The following COQ8A variants were observed in gnomAD, a reference collection of about 807,000 sequenced individuals.
COQ8A encodes atypical kinase COQ8A, mitochondrial.
COQ8A carries 51 observed loss-of-function variants against 65.0 expected under a neutral mutation model. The observed-to-expected ratio is 0.78, with a 90% confidence interval of 0.63 to 0.99. COQ8A has a LOEUF of 0.99. Among genes scored for constraint, COQ8A ranks in the 50% least tolerant of loss-of-function variants. The probability of loss-of-function intolerance (pLI) is 0.00; values close to 1 mark genes in which losing one functional copy is unlikely to be tolerated. For synonymous variants in COQ8A, 371 were observed against 353.2 expected, an observed-to-expected ratio of 1.05 and a Z score of -0.57; for missense variants, 940 against 875.0, an observed-to-expected ratio of 1.07 and a Z score of -0.94.
intron 1 of COQ8A, among the ~76,000 whole-genome samples, chr1:226,957,492 G>A (rs190888689): frequency 1.3e-5 from 2 of 152,224 alleles, no homozygotes; most frequent in East Asian, 1.9e-4. Flanking sequence ...CTGTATTTAC[G>A]GAGGAGATTG....
Position 226,984,644 on chromosome 1 carries a change from C to CA in COQ8A, c.1496dup (p.Gln500AlafsTer16). 1 of 1,614,054 alleles carries CA rather than the reference C, an allele frequency of 6.2e-7. No individual in the cohort carries two copies. On this transcript the variant is annotated frameshift_variant, in exon 12 of 15. Transcript: ENST00000366777. LOFTEE classifies it high-confidence loss of function. ...CTGGTCCAACTTCTTCTATGACCCCCAGCAGCACAAGGTGAGCCCCAGGGT... is the reference window on the plus strand; with the variant it reads ...CTGGTCCAACTTCTTCTATGACCCCCAAGCAGCACAAGGTGAGCCCCAGGGT...
rs1659780289 is a variant in COQ8A at position 226,982,737 on chromosome 1, G to A, written c.913G>A (p.Asp305Asn). 2 of 1,613,728 alleles carry A rather than the reference G, an allele frequency of 1.2e-6. No individual in the cohort carries two copies. The highest frequency in any genetic ancestry group is 1.7e-6 in the Non-Finnish European group (2 of 1,180,012). ...CTTCGAGCGGGTGCGGCAGAGCGCGGACTTCATGCCACTGAAGCAGATGAT... is the reference window on the plus strand; with the variant it reads ...CTTCGAGCGGGTGCGGCAGAGCGCGAACTTCATGCCACTGAAGCAGATGAT... ...KIFERVRQSA[D>N]FMPLKQMMKT... The change falls in exon 7 of 15, where the codon GAC becomes AAC. Residue 305 changes from aspartate (D) to asparagine (N), a missense_variant. Coordinates refer to ENST00000366777, the MANE Select transcript of COQ8A (RefSeq NM_020247.5).
At chr1:226,957,291 C>T (rs571980662) in intron 1 of COQ8A, among the ~76,000 whole-genome samples, 1 of 141,026 alleles carries the variant, frequency 7.1e-6, no homozygotes, top group East Asian at 2.1e-4. Context: ...GCCCCCCCCC[C>T]CCCACCTCCC....
At chr1:226,942,710 A>G (rs934728539) in intron 1 of COQ8A, among the ~76,000 whole-genome samples, 1 of 152,166 alleles carries the variant, frequency 6.6e-6, no homozygotes, top group African/African-American at 2.4e-5. Context: ...GTATTTTTAC[A>G]CAGCAGCGTG....
intron 5 of COQ8A, 78 bp from the exon 6 acceptor site, chr1:226,981,949 G>A (rs549263768): frequency 3.6e-5 from 58 of 1,599,366 alleles, no homozygotes; most frequent in South Asian, 2.1e-4. Context: ...CTGAGCCTCC[G>A]TCTGTATCAG....
At chr1:226,964,430 C>T (rs1015532268) in intron 2 of COQ8A, among the ~76,000 whole-genome samples, 1 of 152,220 alleles carries the variant, frequency 6.6e-6, no homozygotes, top group Admixed American at 6.5e-5. Flanking sequence ...CCCTGCCCCT[C>T]CATTTCCCTG....
chr1:226,984,721 C>T, intron 12 of COQ8A, 66 bp downstream of exon 12: 1 of 1,527,384 alleles, frequency 6.5e-7, no homozygotes, highest in Non-Finnish European at 9.1e-7. Flanking sequence ...GCACGTGAGG[C>T]CCTGGACTGC....
Position 226,951,409 on chromosome 1 carries a change from C to G in COQ8A, c.-9-9968C>G, listed in dbSNP as rs369659421. 3.3e-5 allele frequency among the ~76,000 whole-genome samples: 5 copies of G among 152,198 alleles called. No individual in the cohort carries two copies. The East Asian group carries it at 9.6e-4, about 29-fold the overall frequency. On this transcript the variant is annotated intron_variant, in intron 1 of 14. Transcript: ENST00000366777. ...AGAAAGTTGGCATTGGACAACCCCT[C>G]CCAGCCCCCCAGGCCTGTCCCTTCA... is the stretch of plus-strand genomic sequence containing the variant.
intron 1 of COQ8A, among the ~76,000 whole-genome samples, chr1:226,960,768 G>C (rs1658200127): frequency 1.3e-5 from 2 of 152,112 alleles, no homozygotes; most frequent in Admixed American, 1.3e-4. Context: ...TTGAAGCTGA[G>C]GGTGGGCTGA....
At chr1:226,977,736 C>G (rs1047377648) in intron 5 of COQ8A, among the ~76,000 whole-genome samples, 4 of 152,048 alleles carry the variant, frequency 2.6e-5, no homozygotes, top group Admixed American at 6.5e-5. Flanking sequence ...CTTCCTCCTC[C>G]CAGCCCAAAG....
chr1:226,984,995 G>A, intron 13 of COQ8A, 54 bp downstream of exon 13: 1 of 1,595,898 alleles, frequency 6.3e-7, no homozygotes, highest in Non-Finnish European at 8.6e-7. Flanking sequence ...GCTGGGACAG[G>A]ATGCTGGGGG....
chr1:226,975,590 T>C (rs1659142902), intron 4 of COQ8A, among the ~76,000 whole-genome samples: 1 of 152,274 alleles, frequency 6.6e-6, no homozygotes, highest in African/African-American at 2.4e-5. Flanking sequence ...TTTTTCAGTG[T>C]GGCTGCTAGA....
chr1:226,960,918 G>A lies in COQ8A; in HGVS notation c.-9-459G>A, dbSNP rs1006340962. 3.9e-5 allele frequency among the ~76,000 whole-genome samples: 6 copies of A among 152,100 alleles called. No individual in the cohort carries two copies. In the South Asian group the frequency reaches 6.2e-4, roughly 16 times the overall value. ...GGGTTTGGGTTGGAGCACCAATGCC[G>A]TGAGTGGTCCCTTGGACCTTGCAGG... On this transcript the variant is annotated intron_variant, in intron 1 of 14. Coordinates refer to ENST00000366777, the MANE Select transcript of COQ8A (RefSeq NM_020247.5).
rs371255620 is a variant in COQ8A at position 226,984,404 on chromosome 1, TCC to T, written c.1399-142_1399-141del. ...GGGGGACACAGGGGAGCTGCTGCCT[TCC>T]CTGGCCCAAGTAACACTGGGAATCA... On this transcript the variant is annotated intron_variant, in intron 11 of 14. Transcript: ENST00000366777. The T allele has an allele frequency of 6.2e-4, 791 of 1,273,800 alleles. 7 individuals carry two copies. In the African/African-American group the frequency reaches 7.8e-3, roughly 13 times the overall value. The allele number at this position is 1,273,800 out of a possible 1,614,324, so 78.9% of individuals were successfully genotyped here. A position where few individuals can be genotyped will look rare whatever the true frequency, so the allele number is the denominator to read the frequency against.
intron 4 of COQ8A, 145 bp from the exon 5 acceptor site, chr1:226,977,304 C>A: frequency 4.3e-6 from 3 of 697,330 alleles, no homozygotes; most frequent in South Asian, 1.8e-5. Context: ...CCACCTTGTT[C>A]CCCACTTTTC....
At chr1:226,979,068 G>A (rs1293945348) in intron 5 of COQ8A, among the ~76,000 whole-genome samples, 2 of 152,222 alleles carry the variant, frequency 1.3e-5, no homozygotes, top group Admixed American at 6.5e-5. Flanking sequence ...AGGTGTGCAG[G>A]CAGACCCTGC....
At position 226,986,758 on chromosome 1, in the gene COQ8A, C is replaced by T; in HGVS notation, c.*21C>T. ...AGTAGGGCTGCGGGCCACGCCCAGG[C>T]CGGCTCCGCGGGAACTCTCTCCCTC... On this transcript the variant is annotated 3_prime_UTR_variant, in exon 15 of 15. Coordinates refer to ENST00000366777, the MANE Select transcript of COQ8A (RefSeq NM_020247.5). 1 of 1,608,224 alleles carries T rather than the reference C, an allele frequency of 6.2e-7. No homozygotes were observed. The highest frequency in any genetic ancestry group is 8.5e-7 in the Non-Finnish European group (1 of 1,179,196).
intron 4 of COQ8A, among the ~76,000 whole-genome samples, chr1:226,976,705 G>C (rs959439321): frequency 2.0e-5 from 3 of 152,140 alleles, no homozygotes; most frequent in African/African-American, 7.2e-5. Context: ...TGAGCAGCTG[G>C]GATCATTCAT....
At chr1:226,980,046 T>A (rs1290862619) in intron 5 of COQ8A, among the ~76,000 whole-genome samples, 1 of 152,196 alleles carries the variant, frequency 6.6e-6, no homozygotes, top group Non-Finnish European at 1.5e-5. Context: ...CAGGCATTGT[T>A]AGCCCTGAGA....
Sources: allele counts gnomAD v4.1 joint callset (sites outside exome capture counted in the v4.1 genomes callset), GRCh38; gene constraint gnomAD v4.1.1; transcripts MANE v1.5; gene names NCBI Gene and HGNC (gene_info 2026-07-23, HGNC 2026-07-21).